The following CYBRD1 variants were observed in gnomAD, a reference collection of about 807,000 sequenced individuals.
CYBRD1 encodes the protein plasma membrane ascorbate-dependent reductase CYBRD1.
In CYBRD1, 14 loss-of-function variants were observed where a neutral mutation model predicts 21.9. That is an observed-to-expected ratio of 0.64 (90% CI 0.42 to 1.00). The LOEUF is 1.00. CYBRD1 is among the 50% of genes least tolerant of loss of function. CYBRD1 has a pLI of 0.00. For missense variants in CYBRD1, 328 were observed against 352.5 expected, an observed-to-expected ratio of 0.93 and a Z score of 0.56; for synonymous variants, 146 against 136.5, an observed-to-expected ratio of 1.07 and a Z score of -0.48.
intron 1 of CYBRD1, among the ~76,000 whole-genome samples, chr2:171,530,895 G>A (rs1697455066): frequency 6.6e-6 from 1 of 151,984 alleles, no homozygotes; most frequent in Non-Finnish European, 1.5e-5. Context: ...AAAGATAGAG[G>A]GCCAGGCACA....
chr2:171,530,480 C>T (rs1275243892), intron 1 of CYBRD1, among the ~76,000 whole-genome samples: 5 of 152,108 alleles, frequency 3.3e-5, no homozygotes, highest in Non-Finnish European at 7.4e-5. Flanking sequence ...TTTACTAAGG[C>T]AGTTAATTAA....
At chr2:171,541,861 CTTTTT>C (rs57998592) in intron 2 of CYBRD1, 68 bp downstream of exon 2, 1,190 of 738,028 alleles carry the variant, frequency 1.6e-3, no homozygotes, top group Middle Eastern at 3.1e-3. Flanking sequence ...GTTTTCTTTT[CTTTTT>C]TTTTTTTTTT....
rs1683467621 is a variant in CYBRD1 at position 171,555,368 on chromosome 2, T to G, written c.*541T>G. On this transcript the variant is annotated 3_prime_UTR_variant, in exon 4 of 4. Coordinates refer to ENST00000321348, the MANE Select transcript of CYBRD1 (RefSeq NM_024843.4). ...TGGTTCCTTTCTCCCCATGCCTGCC[T>G]TCTGCTCCCTCCCCAGCTGGTTTGG... The G allele has an allele frequency of 6.2e-6, 1 of 160,186 alleles. No individual in the cohort carries two copies. The highest frequency in any genetic ancestry group is 1.8e-4 in the South Asian group (1 of 5,442). 9.9% of individuals were successfully genotyped at this position (160,186 alleles called of 1,614,324 possible). A position where few individuals can be genotyped will look rare whatever the true frequency, so the allele number is the denominator to read the frequency against.
chr2:171,554,445 T>A, intron 3 of CYBRD1, 79 bp from the exon 4 acceptor site: 1 of 1,467,996 alleles, frequency 6.8e-7, no homozygotes, highest in Non-Finnish European at 9.5e-7. Context: ...AGTGTGCATT[T>A]TGAGCAGATA....
chr2:171,553,621 TTAAAGAATTTGTTATATC>T, intron 3 of CYBRD1, 121 bp downstream of exon 3: 1 of 911,474 alleles, frequency 1.1e-6, no homozygotes, highest in Non-Finnish European at 1.5e-6. Context: ...AAAAAATATT[TTAAAGAATTTGTTATATC>T]ATATAGGTAA....
At chr2:171,549,630 T>G (rs1031158229) in intron 2 of CYBRD1, among the ~76,000 whole-genome samples, 1 of 152,252 alleles carries the variant, frequency 6.6e-6, no homozygotes, top group African/African-American at 2.4e-5. Context: ...TATCATTAGC[T>G]TTTGGCTTAT....
intron 1 of CYBRD1, among the ~76,000 whole-genome samples, chr2:171,524,772 T>C (rs1162631421): frequency 1.3e-5 from 2 of 152,248 alleles, no homozygotes; most frequent in Non-Finnish European, 2.9e-5. Flanking sequence ...ATCTAAAATA[T>C]GTTTTGAAAC....
intron 1 of CYBRD1, among the ~76,000 whole-genome samples, chr2:171,538,240 G>T (rs1324404559): frequency 2.0e-5 from 3 of 152,112 alleles, no homozygotes; most frequent in Non-Finnish European, 4.4e-5. Context: ...TCCATCCTGG[G>T]CAACCAAGAA....
At chr2:171,550,805 G>C (rs189361810) in intron 2 of CYBRD1, among the ~76,000 whole-genome samples, 253 of 152,162 alleles carry the variant, frequency 1.7e-3, no homozygotes, top group African/African-American at 5.9e-3. Flanking sequence ...AAATTATGGA[G>C]GAAATGAGAG....
intron 2 of CYBRD1, 125 bp from the exon 3 acceptor site, chr2:171,553,221 T>A: frequency 8.6e-7 from 1 of 1,164,548 alleles, no homozygotes; most frequent in Non-Finnish European, 1.2e-6. Context: ...CGAGGAAACT[T>A]CATTTTCTAC....
At chr2:171,545,036 G>A (rs1697688654) in intron 2 of CYBRD1, among the ~76,000 whole-genome samples, 1 of 151,710 alleles carries the variant, frequency 6.6e-6, no homozygotes, top group African/African-American at 2.4e-5. Flanking sequence ...CTACTCAGAA[G>A]GCTGAGATAG....
intron 2 of CYBRD1, among the ~76,000 whole-genome samples, chr2:171,549,646 T>G (rs1410406582): frequency 2.0e-5 from 3 of 152,252 alleles, no homozygotes; most frequent in Non-Finnish European, 2.9e-5. Flanking sequence ...CTTATTCCCT[T>G]TAGGCTTTTA....
In CYBRD1 at chr2:171,554,550, C is replaced by T. The variant is rs144760480; in HGVS notation, c.584C>T (p.Pro195Leu). The change falls in exon 4 of 4, where the codon CCG becomes CTG. Residue 195 changes from proline to leucine, a missense_variant. Transcript: ENST00000321348. Reference sequence around the variant, plus strand: ...AGAGATCCTGCATACAGTACATTCCCGCCAGAAGGTGTTTTCGTAAATACG... The same window carrying T: ...AGAGATCCTGCATACAGTACATTCCTGCCAGAAGGTGTTTTCGTAAATACG... ...SLRDPAYSTF[P>L]PEGVFVNTLG... 2.1e-4 allele frequency: 346 copies of T among 1,613,968 alleles called. 1 individual carries two copies. Among genetic ancestry groups the T allele is most frequent in the Middle Eastern group, 9.9e-4 (6 of 6,058 alleles).
upstream of CYBRD1, chr2:171,522,237 A>C (rs1574428481): frequency 6.5e-7 from 1 of 1,549,922 alleles, no homozygotes; most frequent in African/African-American, 1.4e-5. The surrounding 1 kb of genome is among the most constrained non-coding windows in gnomAD (Gnocchi z 4.3). Context: ...TTGAGCAACT[A>C]ACTAGGTCTG....
intron 1 of CYBRD1, among the ~76,000 whole-genome samples, chr2:171,530,882 A>G (rs1231292536): frequency 6.6e-6 from 1 of 152,182 alleles, no homozygotes; most frequent in Non-Finnish European, 1.5e-5. Flanking sequence ...CTTCCTTTTT[A>G]AGAAAGATAG....
In CYBRD1 at chr2:171,556,994, G is replaced by C. The variant is rs557794245; in HGVS notation, c.*2167G>C. On this transcript the variant is annotated 3_prime_UTR_variant, in exon 4 of 4. Coordinates refer to ENST00000321348, the MANE Select transcript of CYBRD1 (RefSeq NM_024843.4). ...GGTTATCAGTGAAAAGTTAATTATGGCTTTGGCACTAGAATAGCACTGTTG... is the reference window on the plus strand; with the variant it reads ...GGTTATCAGTGAAAAGTTAATTATGCCTTTGGCACTAGAATAGCACTGTTG... 6.6e-6 allele frequency: 1 copy of C among 152,590 alleles called. No homozygotes were observed. Among genetic ancestry groups the C allele is most frequent in the African/African-American group, 2.4e-5 (1 of 41,512 alleles). 9.5% of individuals were successfully genotyped at this position (152,590 alleles called of 1,614,324 possible).
In CYBRD1 at chr2:171,537,899, A is replaced by C. The variant is rs192984992; in HGVS notation, c.194-3686A>C. On this transcript the variant is annotated intron_variant, in intron 1 of 3. Coordinates refer to ENST00000321348, the MANE Select transcript of CYBRD1 (RefSeq NM_024843.4). ...AGAGTTTGAGGTGATAAATATGCTA[A>C]TTACCTTGATCTGATCACTATACAT... is the stretch of plus-strand genomic sequence containing the variant. Among the ~76,000 whole-genome samples the C allele has an allele frequency of 2.3e-3, 353 of 152,318 alleles. 4 individuals are homozygous for C. Among genetic ancestry groups the C allele is most frequent in the Non-Finnish European group, 4.2e-3 (288 of 68,034 alleles).
intron 1 of CYBRD1, chr2:171,541,266 G>A (rs942807305): frequency 3.2e-5 from 13 of 408,524 alleles, no homozygotes; most frequent in South Asian, 1.2e-4. Flanking sequence ...CCCTGCCATG[G>A]AGACAGCATT....
chr2:171,541,650 G>T lies in CYBRD1; in HGVS notation c.259G>T (p.Ala87Ser). 6.2e-7 allele frequency: 1 copy of T among 1,613,952 alleles called. No homozygotes were observed. Among genetic ancestry groups the T allele is most frequent in the Non-Finnish European group, 8.5e-7 (1 of 1,180,006 alleles). The change falls in exon 2 of 4, where the codon GCA becomes TCA. Residue 87 changes from alanine to serine, a missense_variant. Ala to Ser is a moderately conservative substitution (Grantham distance 99). Coordinates refer to ENST00000321348, the MANE Select transcript of CYBRD1 (RefSeq NM_024843.4). ...CAAGCTCCTGATGAAATCCATCCAT[G>T]CAGGGTTAAATGCAGTTGCTGCCAT... is the stretch of plus-strand genomic sequence containing the variant. ...CSKLLMKSIH[A>S]GLNAVAAILA...
Sources: gnomAD v4.1 joint callset for allele counts (sites outside exome capture counted in the v4.1 genomes callset) on GRCh38, gnomAD v4.1.1 for gene constraint, Gnocchi (gnomAD v3.1) non-coding constraint, MANE v1.5 for transcripts, NCBI Gene and HGNC (gene_info 2026-07-23, HGNC 2026-07-21) for gene names.